EYS: variants seen among roughly 807,000 people sequenced by gnomAD.
EYS encodes the protein protein eyes shut homolog.
EYS carries 250 observed loss-of-function variants against 282.1 expected under a neutral mutation model. The observed-to-expected ratio is 0.89, with a 90% CI of 0.80 to 0.98. The LOEUF is 0.98. Among genes scored for constraint, EYS ranks in the 50% least tolerant of loss-of-function variants. The pLI is 0.00. For missense variants in EYS, 4,016 were observed against 3,709.0 expected (o/e 1.08, Z -2.15); for synonymous variants, 1,355 against 1,282.9 (o/e 1.06, Z -1.20).
intron 2 of EYS, among the ~76,000 whole-genome samples, chr6:65,503,737 T>C (rs1766546550): frequency 6.6e-6 from 1 of 151,706 alleles, no homozygotes; most frequent in South Asian, 2.1e-4. Flanking sequence ...TGAATTACAT[T>C]TGATTATTTA....
At position 64,480,046 on chromosome 6, in the gene EYS, C is replaced by T. The variant is rs1172215219; in HGVS notation, c.5645-40694G>A. 5.3e-5 allele frequency among the ~76,000 whole-genome samples: 8 copies of T among 151,878 alleles called. 1 individual carries two copies. In the South Asian group the frequency reaches 1.0e-3, roughly 20 times the overall value. ...TTGCTATGCCTCACATATACACATG[C>T]GGAAATCATGGGCAAGCTTTTTCAA... On this transcript the variant is annotated intron_variant, in intron 26 of 42. Coordinates refer to ENST00000503581, the MANE Select transcript of EYS (RefSeq NM_001142800.2).
chr6:65,032,487 A>G (rs1294603897), intron 13 of EYS, among the ~76,000 whole-genome samples: 1 of 152,080 alleles, frequency 6.6e-6, no homozygotes, highest in African/African-American at 2.4e-5. Context: ...TGGTCATTTA[A>G]AAGTGTGTGA....
At chr6:64,825,946 T>A (rs1487704160) in intron 19 of EYS, among the ~76,000 whole-genome samples, 1 of 151,814 alleles carries the variant, frequency 6.6e-6, no homozygotes, top group Non-Finnish European at 1.5e-5. Flanking sequence ...CCCTGATTAT[T>A]ATAACAACAA....
chr6:64,394,919 T>C (rs1469106631), intron 28 of EYS, among the ~76,000 whole-genome samples: 2 of 151,934 alleles, frequency 1.3e-5, no homozygotes, highest in African/African-American at 4.8e-5. Flanking sequence ...TACAATGAAC[T>C]CAAACAAATT....
chr6:65,225,412 A>G (rs1390472371), intron 12 of EYS, among the ~76,000 whole-genome samples: 1 of 151,966 alleles, frequency 6.6e-6, no homozygotes, highest in African/African-American at 2.4e-5. Context: ...AGGAGTTTCA[A>G]CATAGAAAAC....
At chr6:64,033,148 A>C (rs991312802) in intron 33 of EYS, among the ~76,000 whole-genome samples, 6 of 152,218 alleles carry the variant, frequency 3.9e-5, no homozygotes, top group Admixed American at 3.9e-4. Flanking sequence ...ACAGCTGTCT[A>C]TATGTCTACT....
chr6:64,103,099 A>G (rs929231812), intron 31 of EYS, among the ~76,000 whole-genome samples: 2 of 152,164 alleles, frequency 1.3e-5, no homozygotes, highest in Non-Finnish European at 2.9e-5. Context: ...AACAGTTTAA[A>G]GCCTGGATGA....
rs192750519 is a variant in EYS, at chr6:64,342,594, C to A, written c.6079-35512G>T. On this transcript the variant is annotated intron_variant, in intron 29 of 42. Coordinates refer to ENST00000503581, the MANE Select transcript of EYS (RefSeq NM_001142800.2). ...TAAACATGGAAAGGAACAACCGGTA[C>A]CAGCCACTGCAGAAACATGCCAAAT... Among the ~76,000 whole-genome samples the A allele has an allele frequency of 7.3e-3, 1,117 of 152,028 alleles. 9 individuals carry two copies. The highest frequency in any genetic ancestry group is 0.026 in the African/African-American group (1,072 of 41,484).
chr6:64,313,044 A>G (rs1769786529), intron 29 of EYS, among the ~76,000 whole-genome samples: 1 of 152,248 alleles, frequency 6.6e-6, no homozygotes, highest in East Asian at 1.9e-4. Context: ...GATGAATTGG[A>G]AGAAGTAGGC....
chr6:64,870,074 ACAAT>A (rs1193100593), intron 19 of EYS, among the ~76,000 whole-genome samples: 1 of 151,716 alleles, frequency 6.6e-6, no homozygotes, highest in Non-Finnish European at 1.5e-5. Context: ...GAGTAAGAAA[ACAAT>A]CAATCATAGT....
chr6:65,456,422 C>G (rs1771185466), intron 5 of EYS, among the ~76,000 whole-genome samples: 2 of 151,076 alleles, frequency 1.3e-5, no homozygotes, highest in East Asian at 2.0e-4. Flanking sequence ...TGCACTCCAG[C>G]CTAGCGACAG....
rs563037873 is a variant in EYS at position 63,797,405 on chromosome 6, C to T, written c.7412-8181G>A. On this transcript the variant is annotated intron_variant, in intron 37 of 42. Transcript: ENST00000503581. ...TCCTTACTGCCGGAACAAGATGTAT[C>T]GAGTGATATAGGATTCTAGACATTT... 8 of 152,236 alleles carry T rather than the reference C, an allele frequency of 5.3e-5. No individual in the cohort carries two copies. The South Asian group carries it at 1.7e-3, about 32-fold the overall frequency. The allele number at this position is 152,236 out of a possible 1,614,324, so 9.4% of individuals were successfully genotyped here. A position where few individuals can be genotyped will look rare whatever the true frequency, so the allele number is the denominator to read the frequency against.
rs569359895 is a variant in EYS, at chr6:64,154,591, G to A, written c.6425-72589C>T. Among the ~76,000 whole-genome samples the A allele has an allele frequency of 1.8e-4, 28 of 151,846 alleles. No individual in the cohort carries two copies. In the East Asian group the frequency reaches 5.0e-3, roughly 27 times the overall value. The stretch of plus-strand genomic sequence containing the variant: ...CTACTTGACATTCATTATCTCCTAT[G>A]CTTTGTTTATGTGAATAAAATATTT... On this transcript the variant is annotated intron_variant, in intron 31 of 42. Transcript: ENST00000503581.
At chr6:65,666,221 C>T (rs888732386) in intron 1 of EYS, among the ~76,000 whole-genome samples, 2 of 151,844 alleles carry the variant, frequency 1.3e-5, no homozygotes, top group Non-Finnish European at 2.9e-5. Context: ...GAAATCAGTA[C>T]TCCAAGCTAT....
At chr6:64,259,304 C>A (rs1441881208) in intron 30 of EYS, among the ~76,000 whole-genome samples, 1 of 152,048 alleles carries the variant, frequency 6.6e-6, no homozygotes, top group African/African-American at 2.4e-5. Flanking sequence ...TTCCCCTCAA[C>A]TTGTCTAAAC....
chr6:65,539,091 A>G (rs1768067814), intron 2 of EYS, among the ~76,000 whole-genome samples: 1 of 152,220 alleles, frequency 6.6e-6, no homozygotes, highest in Admixed American at 6.5e-5. Context: ...ATTGCACTGC[A>G]AAATATATAA....
intron 13 of EYS, among the ~76,000 whole-genome samples, chr6:65,024,011 A>G (rs1772324759): frequency 1.3e-5 from 2 of 152,182 alleles, no homozygotes; most frequent in Non-Finnish European, 2.9e-5. Flanking sequence ...GTCTCCTACT[A>G]CATGCCATAG....
chr6:64,462,391 G>C (rs993281128), intron 26 of EYS, among the ~76,000 whole-genome samples: 8 of 152,312 alleles, frequency 5.3e-5, no homozygotes, highest in South Asian at 4.1e-4. Context: ...ACTGGGCTCA[G>C]TGGGTTATGC....
chr6:65,080,319 C>A lies in EYS; in HGVS notation c.2024-22592G>T, dbSNP rs186285179. The stretch of plus-strand genomic sequence containing the variant: ...GGAAAGATAAAGAGAAAGGTAGTAA[C>A]AATAACATAATTGTTTTCCTGGCCA... On this transcript the variant is annotated intron_variant, in intron 12 of 42. Coordinates refer to ENST00000503581, the MANE Select transcript of EYS (RefSeq NM_001142800.2). Among the ~76,000 whole-genome samples, 190 of 152,170 alleles carry A rather than the reference C, an allele frequency of 1.2e-3. 4 individuals are homozygous for A. The South Asian group carries it at 0.022, about 18-fold the overall frequency.
Sources: allele counts gnomAD v4.1 joint callset (sites outside exome capture counted in the v4.1 genomes callset), GRCh38; gene constraint gnomAD v4.1.1; transcripts MANE v1.5; gene names NCBI Gene and HGNC (gene_info 2026-07-23, HGNC 2026-07-21).